The following RYR2 variants were observed in gnomAD, a reference collection of about 807,000 sequenced individuals.
The protein encoded by RYR2 is ryanodine receptor 2.
Under a neutral mutation model 601.1 loss-of-function variants are expected in RYR2, and 227 were observed. The observed-to-expected ratio is 0.38, with a 90% CI of 0.34 to 0.42. RYR2 has a LOEUF of 0.42. Among genes scored for constraint, RYR2 ranks in the 10% least tolerant of loss-of-function variants. The pLI, the probability that RYR2 is intolerant of heterozygous loss-of-function variation, is 1.00. For missense variants in RYR2, 4,646 were observed against 6,156.5 expected, an observed-to-expected ratio of 0.75 and a Z score of 8.21; for synonymous variants, 2,223 against 2,175.1, an observed-to-expected ratio of 1.02 and a Z score of -0.61.
intron 25 of RYR2, among the ~76,000 whole-genome samples, chr1:237,538,804 T>C (rs977612229): frequency 3.3e-5 from 5 of 151,772 alleles, no homozygotes; most frequent in African/African-American, 1.2e-4. Context: ...AAAAATTTGA[T>C]AAAGCATAGG....
intron 2 of RYR2, among the ~76,000 whole-genome samples, chr1:237,316,077 A>G (rs1695081588): frequency 1.3e-5 from 2 of 152,154 alleles, no homozygotes; most frequent in Non-Finnish European, 2.9e-5. Context: ...TAGAGAAGAC[A>G]ATCAGGTGTG....
intron 24 of RYR2, among the ~76,000 whole-genome samples, chr1:237,522,137 C>T (rs1025220059): frequency 6.6e-6 from 1 of 152,056 alleles, no homozygotes; most frequent in African/African-American, 2.4e-5. Flanking sequence ...TACCCCACAA[C>T]AGGCCCCAGG....
At chr1:237,689,461 G>A (rs1366397544) in intron 63 of RYR2, among the ~76,000 whole-genome samples, 1 of 152,120 alleles carries the variant, frequency 6.6e-6, no homozygotes, top group Non-Finnish European at 1.5e-5. Flanking sequence ...AGCTGTTCTT[G>A]AAATTCCATT....
At chr1:237,327,259 G>C (rs1696260049) in intron 2 of RYR2, among the ~76,000 whole-genome samples, 1 of 152,050 alleles carries the variant, frequency 6.6e-6, no homozygotes, top group Non-Finnish European at 1.5e-5. Context: ...AAAATGGGTG[G>C]CGTTTGTAAG....
chr1:237,702,361 C>T (rs1042565744), intron 66 of RYR2, among the ~76,000 whole-genome samples: 1 of 152,098 alleles, frequency 6.6e-6, no homozygotes, highest in Non-Finnish European at 1.5e-5. Flanking sequence ...CATTATATAT[C>T]AGAAATTCAA....
intron 58 of RYR2, among the ~76,000 whole-genome samples, chr1:237,673,185 C>T (rs546103945): frequency 6.6e-6 from 1 of 152,266 alleles, no homozygotes; most frequent in East Asian, 1.9e-4. Context: ...GGTAGTTGAG[C>T]CTCTCACACA....
At chr1:237,245,654 A>G (rs1686741597) in intron 1 of RYR2, among the ~76,000 whole-genome samples, 1 of 152,240 alleles carries the variant, frequency 6.6e-6, no homozygotes, top group South Asian at 2.1e-4. Flanking sequence ...TTGATTACAG[A>G]GGATTTATAG....
chr1:237,336,709 T>C (rs1697266771), intron 3 of RYR2, among the ~76,000 whole-genome samples: 1 of 151,456 alleles, frequency 6.6e-6, no homozygotes, highest in Non-Finnish European at 1.5e-5. Context: ...ATACAAAAAT[T>C]AGCTGGGTGT....
At chr1:237,709,239 T>C in intron 69 of RYR2, 141 bp downstream of exon 69, 4 of 857,280 alleles carry the variant, frequency 4.7e-6, no homozygotes, top group Non-Finnish European at 7.0e-6. Context: ...GGCAAGTTAA[T>C]TTTTGGCTTA....
chr1:237,198,349 TGTG>T (rs548861055), intron 1 of RYR2, among the ~76,000 whole-genome samples: 86 of 152,298 alleles, frequency 5.6e-4, no homozygotes, highest in Non-Finnish European at 1.0e-3. Context: ...TTTCATGAAT[TGTG>T]GTGTGCGGTG....
At chr1:237,744,512 C>T (rs1025643119) in intron 80 of RYR2, among the ~76,000 whole-genome samples, 17 of 151,694 alleles carry the variant, frequency 1.1e-4, no homozygotes, top group African/African-American at 2.4e-4. Context: ...AAAAATTAGC[C>T]GGGCGTGGTA....
intron 1 of RYR2, among the ~76,000 whole-genome samples, chr1:237,129,339 A>G (rs1671897505): frequency 6.6e-6 from 1 of 152,236 alleles, no homozygotes; most frequent in Non-Finnish European, 1.5e-5. Flanking sequence ...AAGCCCAGAT[A>G]AAGTCTTTGA....
intron 10 of RYR2, among the ~76,000 whole-genome samples, chr1:237,397,867 A>G (rs763224395): frequency 1.4e-4 from 21 of 151,872 alleles, no homozygotes; most frequent in East Asian, 7.8e-4. Flanking sequence ...GACTACAGGC[A>G]CCCACCACCA....
At chr1:237,348,382 C>T (rs1698481780) in intron 3 of RYR2, among the ~76,000 whole-genome samples, 1 of 152,130 alleles carries the variant, frequency 6.6e-6, no homozygotes, top group South Asian at 2.1e-4. Flanking sequence ...TGAAACAATA[C>T]TAATAATGTC....
rs141169787 is a variant in RYR2 at position 237,704,736 on chromosome 1, CAAAA to C, written c.9450-471_9450-468del. ...TGCGGTTATAAAGTGATTGGGGAAACAAAAAAAAATTCAAAGGTAAGGAAAAGAC... is the reference window on the plus strand; with the variant it reads ...TGCGGTTATAAAGTGATTGGGGAAACAAAAATTCAAAGGTAAGGAAAAGAC... On this transcript the variant is annotated intron_variant, in intron 66 of 104. Coordinates refer to ENST00000366574, the MANE Select transcript of RYR2 (RefSeq NM_001035.3). 5.5e-5 allele frequency among the ~76,000 whole-genome samples: 8 copies of C among 146,746 alleles called. No homozygotes were observed. The South Asian group carries it at 1.5e-3, about 28-fold the overall frequency.
rs182050281 is a variant in RYR2, at chr1:237,445,542, C to A, written c.1292+20C>A. 1 of 1,611,906 alleles carries A rather than the reference C, an allele frequency of 6.2e-7. No homozygotes were observed. Among genetic ancestry groups the A allele is most frequent in the Non-Finnish European group, 8.5e-7 (1 of 1,178,816 alleles). Reference sequence around the variant, plus strand: ...TATAAGGTACTTTTTCTTTTGTAGGCGTAGTTGTTTGATACTTCATTTTCA... The same window carrying A: ...TATAAGGTACTTTTTCTTTTGTAGGAGTAGTTGTTTGATACTTCATTTTCA... On this transcript the variant is annotated intron_variant, in intron 14 of 104. Coordinates refer to ENST00000366574, the MANE Select transcript of RYR2 (RefSeq NM_001035.3).
rs1280548144 is a variant in RYR2 at position 237,430,073 on chromosome 1, T to C, written c.1005+6825T>C. Among the ~76,000 whole-genome samples the C allele has an allele frequency of 2.7e-5, 4 of 150,750 alleles. No individual in the cohort carries two copies. In the East Asian group the frequency reaches 7.7e-4, roughly 29 times the overall value. Reference sequence around the variant, plus strand: ...CAATATATATCAATATATTGTTATATATATTTCCAGATCAATATATATTGT... The same window carrying C: ...CAATATATATCAATATATTGTTATACATATTTCCAGATCAATATATATTGT... On this transcript the variant is annotated intron_variant, in intron 12 of 104. Coordinates refer to ENST00000366574, the MANE Select transcript of RYR2 (RefSeq NM_001035.3).
At chr1:237,693,832 G>A (rs187994468) in intron 63 of RYR2, among the ~76,000 whole-genome samples, 1 of 152,122 alleles carries the variant, frequency 6.6e-6, no homozygotes, top group Non-Finnish European at 1.5e-5. Flanking sequence ...CAATAAATTA[G>A]TGGATTAAGT....
chr1:237,626,737 T>C (rs1679716450), intron 40 of RYR2, among the ~76,000 whole-genome samples: 1 of 151,376 alleles, frequency 6.6e-6, no homozygotes, highest in Admixed American at 6.6e-5. Context: ...AGACGCCTGA[T>C]TAGTTTTTAT....
Sources: allele counts gnomAD v4.1 joint callset (sites outside exome capture counted in the v4.1 genomes callset), GRCh38; gene constraint gnomAD v4.1.1; transcripts MANE v1.5; gene names NCBI Gene and HGNC (gene_info 2026-07-23, HGNC 2026-07-21).